ARB2A: variants seen among roughly 807,000 people sequenced by gnomAD.
The protein encoded by ARB2A is ARB2 cotranscriptional regulator A, also known as cotranscriptional regulator ARB2A.
chr5:93,875,539 G>A, the ARB2A span, among the ~76,000 whole-genome samples: 1 of 152,050 alleles, frequency 6.6e-6, no homozygotes, highest in Non-Finnish European at 1.5e-5. Flanking sequence ...GCCTCGGACT[G>A]CATTTTTAAC....
the ARB2A span, chr5:93,958,960 G>A: frequency 3.8e-6 from 6 of 1,573,274 alleles, no homozygotes; most frequent in African/African-American, 4.0e-5. Context: ...CACTCTCAGT[G>A]GCATCTACCT....
the ARB2A span, among the ~76,000 whole-genome samples, chr5:93,890,658 C>T: frequency 5.9e-5 from 9 of 151,942 alleles, no homozygotes; most frequent in Non-Finnish European, 1.2e-4. Flanking sequence ...AACACAGTGA[C>T]ACAGGGCTCT....
the ARB2A span, among the ~76,000 whole-genome samples, chr5:93,882,519 T>C: frequency 1.3e-5 from 2 of 151,224 alleles, no homozygotes; most frequent in Non-Finnish European, 3.0e-5. Flanking sequence ...TTTTCCTGTC[T>C]CATTTCTTTC....
At chr5:93,804,416 A>C in the ARB2A span, among the ~76,000 whole-genome samples, 268 of 152,080 alleles carry the variant, frequency 1.8e-3, 2 homozygotes, top group African/African-American at 5.5e-3. Flanking sequence ...ATACCAAATA[A>C]TTGAGCATAA....
the ARB2A span, chr5:93,865,497 A>C: frequency 1.0e-6 from 1 of 985,302 alleles, no homozygotes; most frequent in Non-Finnish European, 1.2e-6. Flanking sequence ...AGACAATGTA[A>C]CCTATAACTG....
At chr5:93,933,395 AC>A in the ARB2A span, among the ~76,000 whole-genome samples, 1 of 152,188 alleles carries the variant, frequency 6.6e-6, no homozygotes, top group African/African-American at 2.4e-5. Flanking sequence ...AAGACTTGGA[AC>A]CAACCCAAAT....
chr5:93,743,910 C>T, the ARB2A span, among the ~76,000 whole-genome samples: 1 of 152,110 alleles, frequency 6.6e-6, no homozygotes, highest in Non-Finnish European at 1.5e-5. Flanking sequence ...TTGTGATCCG[C>T]CTGCCTCGGC....
At chr5:93,835,579 T>G in the ARB2A span, among the ~76,000 whole-genome samples, 1 of 152,260 alleles carries the variant, frequency 6.6e-6, no homozygotes, top group Non-Finnish European at 1.5e-5. Flanking sequence ...TTACTTCATA[T>G]AAATCTTTCT....
At chr5:94,070,220 TAAGTC>T in the ARB2A span, among the ~76,000 whole-genome samples, 1 of 152,064 alleles carries the variant, frequency 6.6e-6, no homozygotes, top group Admixed American at 6.6e-5. Flanking sequence ...TTAAGTGAAA[TAAGTC>T]AGGTACAGAA....
At chr5:93,809,743 C>T in the ARB2A span, among the ~76,000 whole-genome samples, 5 of 151,854 alleles carry the variant, frequency 3.3e-5, no homozygotes, top group Admixed American at 1.3e-4. Flanking sequence ...TCCCTTTTTC[C>T]TATTTTAATT....
the ARB2A span, among the ~76,000 whole-genome samples, chr5:93,793,237 TA>T: frequency 4.1e-5 from 5 of 121,718 alleles, no homozygotes; most frequent in African/African-American, 1.6e-4. Context: ...CACTTCTGGC[TA>T]ATTTTTTTTT....
chr5:93,693,461 G>T, the ARB2A span, among the ~76,000 whole-genome samples: 1 of 151,858 alleles, frequency 6.6e-6, no homozygotes, highest in African/African-American at 2.4e-5. Context: ...TAGAAGAAAT[G>T]GATAGATTCC....
chr5:93,706,326 T>A, the ARB2A span, among the ~76,000 whole-genome samples: 7 of 152,228 alleles, frequency 4.6e-5, no homozygotes, highest in Admixed American at 4.6e-4. Context: ...TCAATTTATA[T>A]GAAATGTTCA....
chr5:93,696,122 C>A, the ARB2A span, among the ~76,000 whole-genome samples: 1 of 152,018 alleles, frequency 6.6e-6, no homozygotes, highest in Non-Finnish European at 1.5e-5. Flanking sequence ...CACCGTGGCA[C>A]GTGTATACCT....
the ARB2A span, among the ~76,000 whole-genome samples, chr5:94,027,129 G>T: frequency 6.6e-6 from 1 of 152,150 alleles, no homozygotes; most frequent in Non-Finnish European, 1.5e-5. Flanking sequence ...CATCCTTGGG[G>T]GTAATAAGAT....
the ARB2A span, among the ~76,000 whole-genome samples, chr5:93,720,250 A>G: frequency 6.6e-6 from 1 of 152,230 alleles, no homozygotes; most frequent in Non-Finnish European, 1.5e-5. Flanking sequence ...GTGGTTATTA[A>G]GCCTTCATTT....
At chr5:93,964,040 T>C in the ARB2A span, among the ~76,000 whole-genome samples, 4 of 151,944 alleles carry the variant, frequency 2.6e-5, no homozygotes, top group African/African-American at 4.8e-5. Flanking sequence ...GGAAACAACA[T>C]ACTATGTGTA....
At chr5:94,041,106 C>G in the ARB2A span, among the ~76,000 whole-genome samples, 1 of 151,930 alleles carries the variant, frequency 6.6e-6, no homozygotes, top group Non-Finnish European at 1.5e-5. Context: ...CTCTCTCTCT[C>G]TCTCTCTCTG....
the ARB2A span, among the ~76,000 whole-genome samples, chr5:94,014,287 C>G: frequency 6.6e-6 from 1 of 152,196 alleles, no homozygotes; most frequent in Non-Finnish European, 1.5e-5. Context: ...AGGCCTCCCC[C>G]ATTTGGGATG....
Sources: gnomAD v4.1 joint callset for allele counts (sites outside exome capture counted in the v4.1 genomes callset) on GRCh38, gnomAD v4.1.1 for gene constraint, MANE v1.5 for transcripts, NCBI Gene and HGNC (gene_info 2026-07-23, HGNC 2026-07-21) for gene names.